The following PDSS2 variants were observed in gnomAD, a reference collection of about 807,000 sequenced individuals.
PDSS2 encodes the protein all trans-polyprenyl-diphosphate synthase PDSS2.
In PDSS2, 31 loss-of-function variants were observed where a neutral mutation model predicts 44.5. The ratio of observed to expected loss-of-function variants is 0.70; its 90% CI spans 0.52 to 0.94. The LOEUF (loss-of-function observed/expected upper bound fraction) is 0.94, where lower values mean the gene tolerates loss of function less well. Ranked by LOEUF, PDSS2 falls within the 40% of genes least tolerant of loss-of-function variation. The probability of loss-of-function intolerance (pLI) is 0.00; values close to 1 mark genes in which losing one functional copy is unlikely to be tolerated. For synonymous variants in PDSS2, 157 were observed against 180.3 expected (o/e 0.87, Z 1.03); for missense variants, 452 against 482.2 (o/e 0.94, Z 0.59).
chr6:107,247,501 C>G (rs1466087470), intron 3 of PDSS2, among the ~76,000 whole-genome samples: 1 of 152,148 alleles, frequency 6.6e-6, no homozygotes, highest in Non-Finnish European at 1.5e-5. Flanking sequence ...TTGAACAGAA[C>G]ACACCTCCAC....
chr6:107,213,631 C>T (rs1773306058), intron 4 of PDSS2, among the ~76,000 whole-genome samples: 1 of 152,058 alleles, frequency 6.6e-6, no homozygotes, highest in African/African-American at 2.4e-5. Context: ...GTGGCAGGTG[C>T]CTGTAATCCC....
intron 1 of PDSS2, among the ~76,000 whole-genome samples, chr6:107,343,629 T>C (rs1778147858): frequency 1.3e-5 from 2 of 152,158 alleles, no homozygotes; most frequent in African/African-American, 4.8e-5. Context: ...ACTAAAAATG[T>C]TAAATAAAAG....
At chr6:107,229,759 A>G (rs1773974737) in intron 4 of PDSS2, 1 of 152,198 alleles carries the variant, frequency 6.6e-6, no homozygotes, top group Admixed American at 6.6e-5. Flanking sequence ...TATCATCAGG[A>G]ACTCTATGGT....
chr6:107,267,578 G>GAT (rs1240139576), intron 3 of PDSS2, among the ~76,000 whole-genome samples: 3 of 147,884 alleles, frequency 2.0e-5, no homozygotes, highest in African/African-American at 7.6e-5. Flanking sequence ...AGAGACATCA[G>GAT]ATTCTCTTTC....
intron 1 of PDSS2, among the ~76,000 whole-genome samples, chr6:107,423,668 G>A (rs6909503): frequency 2.0e-5 from 3 of 152,078 alleles, no homozygotes; most frequent in South Asian, 2.1e-4. Context: ...TTTTGTTTTT[G>A]TTTTACAGAC....
chr6:107,254,103 G>A (rs1320707612), intron 3 of PDSS2, among the ~76,000 whole-genome samples: 59 of 145,164 alleles, frequency 4.1e-4, no homozygotes, highest in African/African-American at 1.3e-3. Flanking sequence ...GGACGATCTC[G>A]GCTCACTGCA....
At chr6:107,453,053 C>T (rs566612049) in intron 1 of PDSS2, among the ~76,000 whole-genome samples, 2 of 151,944 alleles carry the variant, frequency 1.3e-5, no homozygotes, top group Non-Finnish European at 2.9e-5. Flanking sequence ...AGCCCTAGGT[C>T]CTGAAGATGT....
intron 1 of PDSS2, among the ~76,000 whole-genome samples, chr6:107,378,765 GAC>G (rs1779368933): frequency 6.6e-6 from 1 of 152,170 alleles, no homozygotes; most frequent in Admixed American, 6.5e-5. Context: ...CAGCCTGGGC[GAC>G]AGAGTATCCG....
rs551170932 is a variant in PDSS2 at position 107,304,307 on chromosome 6, A to G, written c.431+29891T>C. ...GGTTATCTGGGAGTTGCCAGAGGCA[A>G]TGCTCCAGAGCTACATTTACAAACT... On this transcript the variant is annotated intron_variant, in intron 2 of 7. Coordinates refer to ENST00000369037, the MANE Select transcript of PDSS2 (RefSeq NM_020381.4). 3.3e-5 allele frequency among the ~76,000 whole-genome samples: 5 copies of G among 152,362 alleles called. 1 individual carries two copies. The highest frequency in any genetic ancestry group is 7.2e-5 in the African/African-American group (3 of 41,588).
rs1400073089 is a variant in PDSS2 at position 107,254,497 on chromosome 6, AAGC to A, written c.631-8881_631-8879del. ...TTGAATACTTGGTCATGAAACAAAC[AAGC>A]AACGTAAAACTGATTATCATATAGC... is the stretch of plus-strand genomic sequence containing the variant. On this transcript the variant is annotated intron_variant, in intron 3 of 7. Transcript: ENST00000369037. Among the ~76,000 whole-genome samples, 7 of 152,342 alleles carry A rather than the reference AAGC, an allele frequency of 4.6e-5. No homozygotes were observed. In the East Asian group the frequency reaches 1.3e-3, roughly 29 times the overall value.
intron 1 of PDSS2, among the ~76,000 whole-genome samples, chr6:107,404,407 G>C (rs2114613172): frequency 6.6e-6 from 1 of 152,232 alleles, no homozygotes; most frequent in Non-Finnish European, 1.5e-5. Flanking sequence ...TATCTTTACA[G>C]CAGCCCCTCC....
intron 7 of PDSS2, among the ~76,000 whole-genome samples, chr6:107,173,666 T>C (rs1332085058): frequency 1.3e-5 from 2 of 151,218 alleles, no homozygotes; most frequent in Middle Eastern, 3.4e-3. Flanking sequence ...CTTCTTCTTA[T>C]CACGTTTCTA....
At chr6:107,265,778 A>G (rs1775392889) in intron 3 of PDSS2, among the ~76,000 whole-genome samples, 2 of 152,136 alleles carry the variant, frequency 1.3e-5, no homozygotes, top group African/African-American at 4.8e-5. Flanking sequence ...CACATCTACT[A>G]AAAATACAAA....
Position 107,178,672 on chromosome 6 carries a change from C to T in PDSS2, c.1041+15150G>A, listed in dbSNP as rs1200669399. ...TTGCAAGATCAGAGCCTGAATACAA[C>T]AACAACTTTTTGTAGTATGTCTAAA... is the stretch of plus-strand genomic sequence containing the variant. On this transcript the variant is annotated intron_variant, in intron 7 of 7. Coordinates refer to ENST00000369037, the MANE Select transcript of PDSS2 (RefSeq NM_020381.4). Among the ~76,000 whole-genome samples, 3 of 152,262 alleles carry T rather than the reference C, an allele frequency of 2.0e-5. No homozygotes were observed. In the East Asian group the frequency reaches 5.8e-4, roughly 29 times the overall value.
At chr6:107,334,385 G>A in intron 1 of PDSS2, 53 bp from the exon 2 acceptor site, 1 of 1,553,454 alleles carries the variant, frequency 6.4e-7, no homozygotes, top group South Asian at 1.1e-5. Context: ...GAGATCATCA[G>A]ATAACTTAGA....
rs1191533637 is a variant in PDSS2, at chr6:107,334,221, G to A, written c.408C>T (p.Asp136=). ...ACCATGAGTAGATCCCACTGACCAT[G>A]TCATAGTTCTGACATGAAGTGTTCA... ...SSVNTSCQNY[D]MVSGIYSCQR... is the part of the protein sequence containing the mutation. The change falls in exon 2 of 8, where the codon GAC becomes GAT. Residue 136 remains aspartate (D), a synonymous_variant. Transcript: ENST00000369037. 1.2e-6 allele frequency: 2 copies of A among 1,613,790 alleles called. No homozygotes were observed. Among genetic ancestry groups the A allele is most frequent in the Admixed American group, 1.7e-5 (1 of 60,024 alleles).
At chr6:107,282,036 T>G (rs1775978551) in intron 2 of PDSS2, among the ~76,000 whole-genome samples, 2 of 151,912 alleles carry the variant, frequency 1.3e-5, no homozygotes, top group South Asian at 2.1e-4. Context: ...CTCCCTAGTA[T>G]TTGGGATTAC....
intron 2 of PDSS2, among the ~76,000 whole-genome samples, chr6:107,321,587 G>A (rs1310375505): frequency 6.6e-6 from 1 of 152,072 alleles, no homozygotes; most frequent in East Asian, 1.9e-4. Flanking sequence ...CTGAGAGGTG[G>A]GACCAGTGCT....
At chr6:107,163,952 G>A (rs1582719193) in intron 7 of PDSS2, among the ~76,000 whole-genome samples, 1 of 152,100 alleles carries the variant, frequency 6.6e-6, no homozygotes, top group Admixed American at 6.6e-5. Flanking sequence ...TTAAGCTGGG[G>A]TTCCTAAACT....
Sources: gnomAD v4.1 joint callset for allele counts (sites outside exome capture counted in the v4.1 genomes callset) on GRCh38, gnomAD v4.1.1 for gene constraint, MANE v1.5 for transcripts, NCBI Gene and HGNC (gene_info 2026-07-23, HGNC 2026-07-21) for gene names.